Variants in PLEKHG4B observed in about 807,000 individuals in gnomAD.
The protein encoded by PLEKHG4B is pleckstrin homology and RhoGEF domain containing G4B.
Under a neutral mutation model 121.3 loss-of-function variants are expected in PLEKHG4B, and 111 were observed. The observed-to-expected ratio is 0.92, with a 90% CI of 0.78 to 1.07. PLEKHG4B has a LOEUF of 1.07. Among genes scored for constraint, PLEKHG4B ranks in the 50% least tolerant of loss-of-function variants. The pLI, the probability that PLEKHG4B is intolerant of heterozygous loss-of-function variation, is 0.00. For missense variants in PLEKHG4B, 1,831 were observed against 1,757.8 expected (o/e 1.04, Z -0.74); for synonymous variants, 738 against 725.0 (o/e 1.02, Z -0.29).
intron 2 of PLEKHG4B, among the ~76,000 whole-genome samples, chr5:118,727 C>G (rs1734377848): frequency 6.6e-6 from 1 of 152,122 alleles, no homozygotes; most frequent in Non-Finnish European, 1.5e-5. Context: ...TTGCCCAGAT[C>G]TAGGGTAATA....
Position 140,587 on chromosome 5 carries a change from GC to G in PLEKHG4B, c.1351del (p.Gln451ArgfsTer20). On this transcript the variant is annotated frameshift_variant, in exon 3 of 20. Coordinates refer to ENST00000637938, the MANE Select transcript of PLEKHG4B (RefSeq NM_052909.5). LOFTEE classifies it high-confidence loss of function. ...AAGGGCACCCAGAAGCTCCAGAGGG[GC>G]CCAGGCTGCAGCCTGCCACACCTCC... ...WERAPRSSRGAQAAACHTSHH... is the reference protein window; with the variant it reads ...WERAPRSSRGXQAAACHTSHH... 6.2e-7 allele frequency: 1 copy of G among 1,609,564 alleles called. No individual in the cohort carries two copies. Among genetic ancestry groups the G allele is most frequent in the Non-Finnish European group, 8.5e-7 (1 of 1,178,472 alleles).
intron 11 of PLEKHG4B, among the ~76,000 whole-genome samples, chr5:158,826 G>A (rs1347030844): frequency 6.6e-6 from 1 of 151,894 alleles, no homozygotes; most frequent in Non-Finnish European, 1.5e-5. Flanking sequence ...CCCATCCTGT[G>A]GTCTCCTATT....
At position 162,740 on chromosome 5, in the gene PLEKHG4B, C is replaced by CTG; in HGVS notation, c.2668_2669insTG (p.Pro890LeufsTer17). ...CCCACAGGTGAGCAGCTGGATGGGG[C>CTG]CCCTGGACCCGGAGGCTTGTCCCTC... On this transcript the variant is annotated frameshift_variant, in exon 13 of 20. Transcript: ENST00000637938. LOFTEE classifies it high-confidence loss of function. 1.4e-6 allele frequency: 2 copies of CTG among 1,457,416 alleles called. No individual in the cohort carries two copies. Among genetic ancestry groups the CTG allele is most frequent in the Non-Finnish European group, 1.8e-6 (2 of 1,103,578 alleles). 90.3% of individuals were successfully genotyped at this position (1,457,416 alleles called of 1,614,324 possible).
At position 183,983 on chromosome 5, in the gene PLEKHG4B, A is replaced by AGATCGATCGATCGATC. The variant is rs770768423; in HGVS notation, c.*1663_*1664insCGATCGATCGATCGAT. 1.2e-5 allele frequency: 1 copy of AGATCGATCGATCGATC among 83,090 alleles called. No individual in the cohort carries two copies. Among genetic ancestry groups the AGATCGATCGATCGATC allele is most frequent in the African/African-American group, 5.7e-5 (1 of 17,694 alleles). The allele number at this position is 83,090 out of a possible 1,614,324, so 5.1% of individuals were successfully genotyped here. A position where few individuals can be genotyped will look rare whatever the true frequency, so the allele number is the denominator to read the frequency against. On this transcript the variant is annotated 3_prime_UTR_variant, in exon 20 of 20. Coordinates refer to ENST00000637938, the MANE Select transcript of PLEKHG4B (RefSeq NM_052909.5). ...TATATATACAGACAGATAGATAGAT[A>AGATCGATCGATCGATC]GATAGATCGATAGATAGATAGATAG...
chr5:145,466 T>C (rs1735376812), intron 6 of PLEKHG4B, among the ~76,000 whole-genome samples: 1 of 152,218 alleles, frequency 6.6e-6, no homozygotes. Context: ...GCTCAAGCCA[T>C]GCTACTGCCT....
In PLEKHG4B at chr5:159,601, C is replaced by A. The variant is rs1043758697; in HGVS notation, c.2488-2182C>A. Among the ~76,000 whole-genome samples, 1 of 152,174 alleles carries A rather than the reference C, an allele frequency of 6.6e-6. No individual in the cohort carries two copies. Among genetic ancestry groups the A allele is most frequent in the African/African-American group, 2.4e-5 (1 of 41,418 alleles). On this transcript the variant is annotated intron_variant, in intron 11 of 19. Transcript: ENST00000637938. The surrounding 1 kb of genome is among the most constrained non-coding windows in gnomAD (Gnocchi z 5.5). ...CCTCTCCATACTAATCATGATGAGT[C>A]TGCACAGTCTGTGGCTTCTGTGGGT...
rs1184036407 is a variant in PLEKHG4B, at chr5:139,751, G to A, written c.512G>A (p.Arg171Gln). The A allele has an allele frequency of 7.5e-6, 3 of 398,842 alleles. No individual in the cohort carries two copies. Among genetic ancestry groups the A allele is most frequent in the Admixed American group, 4.4e-5 (1 of 22,712 alleles). The allele number at this position is 398,842 out of a possible 1,614,324, so 24.7% of individuals were successfully genotyped here. A position where few individuals can be genotyped will look rare whatever the true frequency, so the allele number is the denominator to read the frequency against. Reference sequence around the variant, plus strand: ...TTCCTGGAGTGGGTGAACCGGGAGCGGCGCCATGTCCCCCTGCAAACCTGC... The same window carrying A: ...TTCCTGGAGTGGGTGAACCGGGAGCAGCGCCATGTCCCCCTGCAAACCTGC... The part of the protein sequence containing the change: ...GAFLEWVNRE[R>Q]RHVPLQTCLL... Residue 171 changes from arginine to glutamine, a missense_variant, in exon 3 of 20, where the codon CGG becomes CAG. Arg to Gln is a conservative substitution (Grantham distance 43, BLOSUM62 1). Coordinates refer to ENST00000637938, the MANE Select transcript of PLEKHG4B (RefSeq NM_052909.5). The surrounding 1 kb of genome is among the most constrained non-coding windows in gnomAD (Gnocchi z 5.0).
intron 13 of PLEKHG4B, chr5:169,126 A>G (rs1401983655): frequency 2.9e-5 from 17 of 595,288 alleles, no homozygotes; most frequent in Non-Finnish European, 4.7e-5. Context: ...TACCCGCCTC[A>G]GCCTCCCAAA....
rs565537140 is a variant in PLEKHG4B, at chr5:143,041, G to A, written c.1478-6G>A. 2 of 1,612,888 alleles carry A rather than the reference G, an allele frequency of 1.2e-6. No homozygotes were observed. Among genetic ancestry groups the A allele is most frequent in the East Asian group, 4.5e-5 (2 of 44,886 alleles). ...ATCTTTGACACGGCCTCTTTCCTTTGTCCAGACGTTCTTGCATCCTCAGCC... is the reference window on the plus strand; with the variant it reads ...ATCTTTGACACGGCCTCTTTCCTTTATCCAGACGTTCTTGCATCCTCAGCC... On this transcript the variant is annotated splice_polypyrimidine_tract_variant and splice_region_variant and intron_variant, in intron 3 of 19. Coordinates refer to ENST00000637938, the MANE Select transcript of PLEKHG4B (RefSeq NM_052909.5).
In PLEKHG4B at chr5:143,575, G is replaced by A. The variant is rs933754844; in HGVS notation, c.1811+72G>A. On this transcript the variant is annotated intron_variant, in intron 5 of 19. Transcript: ENST00000637938. ...GCTGCATGTGTGTGGCAAAGTGGGG[G>A]GCACGGGGAGGTGCCAGCTTCCATG... 18 of 1,569,664 alleles carry A rather than the reference G, an allele frequency of 1.1e-5. No individual in the cohort carries two copies. In the African/African-American group the frequency reaches 1.6e-4, roughly 14 times the overall value.
chr5:177,039 G>A (rs1736780054), intron 18 of PLEKHG4B, among the ~76,000 whole-genome samples: 1 of 152,062 alleles, frequency 6.6e-6, no homozygotes, highest in East Asian at 1.9e-4. Flanking sequence ...GTTTTGCCAG[G>A]GATTTGCCAA....
At chr5:103,700 AT>A (rs1733889453) in intron 1 of PLEKHG4B, among the ~76,000 whole-genome samples, 1 of 152,110 alleles carries the variant, frequency 6.6e-6, no homozygotes, top group African/African-American at 2.4e-5. Context: ...CACCTCAAAC[AT>A]TTTTCTTTTG....
chr5:104,414 A>G (rs564022998), intron 1 of PLEKHG4B, among the ~76,000 whole-genome samples: 1 of 152,354 alleles, frequency 6.6e-6, no homozygotes, highest in South Asian at 2.1e-4. Context: ...TGCAGTATCC[A>G]CCGTATCCAG....
intron 2 of PLEKHG4B, among the ~76,000 whole-genome samples, chr5:122,406 T>A (rs28794241): frequency 3.5e-4 from 32 of 92,658 alleles, no homozygotes; most frequent in African/African-American, 2.7e-3. Flanking sequence ...TTTATTTTTA[T>A]TTATTTATTT....
Position 183,991 on chromosome 5 carries a change from C to CGATCGATCGATAGATAGATAGATA in PLEKHG4B, c.*1671_*1672insCGATCGATAGATAGATAGATAGAT, listed in dbSNP as rs1292159443. On this transcript the variant is annotated 3_prime_UTR_variant, in exon 20 of 20. Transcript: ENST00000637938. ...CAGACAGATAGATAGATAGATAGAT[C>CGATCGATCGATAGATAGATAGATA]GATAGATAGATAGATAGATAGATAG... is the stretch of plus-strand genomic sequence containing the variant. 11 of 104,614 alleles carry CGATCGATCGATAGATAGATAGATA rather than the reference C, an allele frequency of 1.1e-4. No individual in the cohort carries two copies. The highest frequency in any genetic ancestry group is 1.5e-4 in the African/African-American group (5 of 34,128). The allele number at this position is 104,614 out of a possible 1,614,324, so 6.5% of individuals were successfully genotyped here.
intron 1 of PLEKHG4B, among the ~76,000 whole-genome samples, chr5:99,210 A>ATATT (rs1350762360): frequency 9.9e-6 from 1 of 100,626 alleles, no homozygotes; most frequent in Non-Finnish European, 2.0e-5. Flanking sequence ...ATATATATAT[A>ATATT]TATTTTGCGA....
intron 13 of PLEKHG4B, among the ~76,000 whole-genome samples, chr5:165,120 TCA>T (rs1453701944): frequency 2.6e-5 from 2 of 78,418 alleles, no homozygotes; most frequent in Admixed American, 1.4e-4. Flanking sequence ...GGGGCGGAGC[TCA>T]CACAGTAATG....
rs1464466508 is a variant in PLEKHG4B, at chr5:120,029, T to A, written c.243+6581T>A. The stretch of plus-strand genomic sequence containing the variant: ...TTGCAAGGCTGTGGGGGAGAATCGC[T>A]TGAGCCCAGGAGTTCAGTAGCATCC... On this transcript the variant is annotated intron_variant, in intron 2 of 19. Coordinates refer to ENST00000637938, the MANE Select transcript of PLEKHG4B (RefSeq NM_052909.5). 3.3e-5 allele frequency among the ~76,000 whole-genome samples: 5 copies of A among 152,148 alleles called. No individual in the cohort carries two copies. The East Asian group carries it at 9.6e-4, about 29-fold the overall frequency.
intron 5 of PLEKHG4B, 70 bp downstream of exon 5, chr5:143,573 G>A: frequency 3.8e-6 from 6 of 1,577,390 alleles, no homozygotes; most frequent in African/African-American, 1.3e-5. Flanking sequence ...GGCAAAGTGG[G>A]GGGCACGGGG....
Sources: gnomAD v4.1 joint callset for allele counts (sites outside exome capture counted in the v4.1 genomes callset) on GRCh38, gnomAD v4.1.1 for gene constraint, Gnocchi (gnomAD v3.1) non-coding constraint, MANE v1.5 for transcripts, NCBI Gene and HGNC (gene_info 2026-07-23, HGNC 2026-07-21) for gene names.